The following FAM185A variants were observed in gnomAD, a reference collection of about 807,000 sequenced individuals.
The protein encoded by FAM185A is protein FAM185A.
A neutral mutation model predicts 45.7 loss-of-function variants in FAM185A; 21 were observed. The ratio of observed to expected loss-of-function variants is 0.46; its 90% CI spans 0.33 to 0.66. FAM185A has a LOEUF of 0.66. Ranked by LOEUF, FAM185A falls within the 30% of genes least tolerant of loss-of-function variation. The probability of loss-of-function intolerance (pLI) is 0.03; values close to 1 mark genes in which losing one functional copy is unlikely to be tolerated. For synonymous variants in FAM185A, 117 were observed against 194.0 expected (o/e 0.60, Z 3.30); for missense variants, 305 against 485.4 (o/e 0.63, Z 3.49).
the FAM185A span, among the ~76,000 whole-genome samples, chr7:102,829,907 G>C: frequency 6.6e-6 from 1 of 152,126 alleles, no homozygotes; most frequent in Non-Finnish European, 1.5e-5. Flanking sequence ...GTGAGTTGAG[G>C]AGTATTCAGA....
At chr7:102,793,475 C>T (rs902823035) in intron 7 of FAM185A, among the ~76,000 whole-genome samples, 7 of 152,042 alleles carry the variant, frequency 4.6e-5, no homozygotes, top group East Asian at 3.9e-4. Flanking sequence ...TCCCAAAGTG[C>T]TGGGATTACA....
chr7:102,758,333 C>T (rs1199181672), intron 3 of FAM185A, among the ~76,000 whole-genome samples: 19 of 150,350 alleles, frequency 1.3e-4, no homozygotes, highest in Admixed American at 2.0e-4. Context: ...CTTTTTACTT[C>T]GCCCTTAGGC....
chr7:102,834,269 T>C, the FAM185A span, among the ~76,000 whole-genome samples: 3 of 150,688 alleles, frequency 2.0e-5, no homozygotes, highest in Admixed American at 2.0e-4. Flanking sequence ...CCTCTTAGAA[T>C]ACAAAGTTAG....
At chr7:102,766,635 G>A (rs1401859365) in intron 4 of FAM185A, among the ~76,000 whole-genome samples, 2 of 151,386 alleles carry the variant, frequency 1.3e-5, no homozygotes, top group Admixed American at 6.6e-5. Flanking sequence ...ATCTTTTATT[G>A]GATTAAATAG....
rs1793168918 is a variant in FAM185A, at chr7:102,749,108, C to T, written c.-100C>T. ...TTCAGCAAACCCTGACTTACGTCTC[C>T]TATTTGACTTGAGGCGGCACAGTGG... is the stretch of plus-strand genomic sequence containing the variant. On this transcript the variant is annotated 5_prime_UTR_variant, in exon 1 of 8. Coordinates refer to ENST00000413034, the MANE Select transcript of FAM185A (RefSeq NM_001145268.2). 6.7e-7 allele frequency: 1 copy of T among 1,481,980 alleles called. No individual in the cohort carries two copies. The highest frequency in any genetic ancestry group is 9.2e-7 in the Non-Finnish European group (1 of 1,085,252). 91.8% of individuals were successfully genotyped at this position (1,481,980 alleles called of 1,614,324 possible).
the FAM185A span, chr7:102,827,184 C>T: frequency 2.2e-6 from 1 of 453,514 alleles, no homozygotes; most frequent in Non-Finnish European, 4.4e-6. Flanking sequence ...TGTGTTACTG[C>T]CCTTGAAGCA....
At chr7:102,754,381 T>C (rs1468450691) in intron 2 of FAM185A, among the ~76,000 whole-genome samples, 1 of 152,226 alleles carries the variant, frequency 6.6e-6, no homozygotes. Flanking sequence ...TGGCCAGGCA[T>C]GTTGGCCAGG....
At chr7:102,844,165 A>G in the FAM185A span, among the ~76,000 whole-genome samples, 1 of 152,334 alleles carries the variant, frequency 6.6e-6, no homozygotes, top group Non-Finnish European at 1.5e-5. Flanking sequence ...TAAAAAGCAG[A>G]TGAACTGTCT....
chr7:102,793,208 TTTG>T (rs1019415197), intron 7 of FAM185A, among the ~76,000 whole-genome samples: 2 of 151,540 alleles, frequency 1.3e-5, no homozygotes, highest in Non-Finnish European at 1.5e-5. Flanking sequence ...GTGTTTTTTT[TTTG>T]TTGTTGTTGT....
chr7:102,771,241 A>C (rs531712144), intron 4 of FAM185A, among the ~76,000 whole-genome samples: 35 of 152,020 alleles, frequency 2.3e-4, no homozygotes, highest in Non-Finnish European at 4.7e-4. Flanking sequence ...AAGGGTTGAA[A>C]AACTATTGGG....
the FAM185A span, among the ~76,000 whole-genome samples, chr7:102,825,120 T>C: frequency 2.0e-5 from 3 of 152,220 alleles, no homozygotes; most frequent in Non-Finnish European, 4.4e-5. Context: ...ATAAATACAG[T>C]CTTTTCCAAG....
chr7:102,835,911 G>A, the FAM185A span, among the ~76,000 whole-genome samples: 7,742 of 152,262 alleles, frequency 0.051, 274 homozygotes, highest in South Asian at 0.13. Context: ...GCCCGGCCCC[G>A]ACATTGTTTT....
chr7:102,832,982 A>G, the FAM185A span: 1 of 1,614,038 alleles, frequency 6.2e-7, no homozygotes, highest in Non-Finnish European at 8.5e-7. Context: ...TGCCTGCAAA[A>G]AATTCCAAGG....
At chr7:102,842,841 C>T in the FAM185A span, among the ~76,000 whole-genome samples, 1 of 152,226 alleles carries the variant, frequency 6.6e-6, no homozygotes, top group Non-Finnish European at 1.5e-5. Flanking sequence ...TCTGAACCCT[C>T]AGTTTCTACT....
intron 4 of FAM185A, among the ~76,000 whole-genome samples, chr7:102,769,441 A>T (rs1264918961): frequency 6.6e-5 from 10 of 152,164 alleles, no homozygotes; most frequent in Non-Finnish European, 1.3e-4. Context: ...TTATTTTAAA[A>T]AAAATTGTAA....
chr7:102,821,733 G>A, the FAM185A span, among the ~76,000 whole-genome samples: 2,282 of 152,222 alleles, frequency 0.015, 51 homozygotes, highest in African/African-American at 0.051. Context: ...ATGCTCTAGG[G>A]GAGATTAACT....
chr7:102,758,087 A>T (rs1793871294), intron 3 of FAM185A, 141 bp downstream of exon 3: 3 of 613,710 alleles, frequency 4.9e-6, no homozygotes, highest in Non-Finnish European at 8.6e-6. Context: ...TTCAAATTTG[A>T]AATTGAAGTG....
At chr7:102,848,932 G>A in the FAM185A span, among the ~76,000 whole-genome samples, 3 of 152,204 alleles carry the variant, frequency 2.0e-5, no homozygotes, top group African/African-American at 7.2e-5. Context: ...CCCAGGATGC[G>A]GAGGTTGCAG....
chr7:102,812,666 T>C (rs2129444411), downstream of FAM185A, among the ~76,000 whole-genome samples: 1 of 152,312 alleles, frequency 6.6e-6, no homozygotes, highest in African/African-American at 2.4e-5. Flanking sequence ...GTTTGACATA[T>C]GGCCATCTCT....
Sources: allele counts gnomAD v4.1 joint callset (sites outside exome capture counted in the v4.1 genomes callset), GRCh38; gene constraint gnomAD v4.1.1; transcripts MANE v1.5; gene names NCBI Gene and HGNC (gene_info 2026-07-23, HGNC 2026-07-21).